Variants in SWAP70 observed in about 807,000 individuals in gnomAD.
SWAP70 encodes switching B cell complex subunit SWAP70, also known as switch-associated protein 70.
Under a neutral mutation model 80.2 loss-of-function variants are expected in SWAP70, and 34 were observed. That is an observed-to-expected ratio of 0.42 (90% CI 0.32 to 0.56). The LOEUF (loss-of-function observed/expected upper bound fraction) is 0.56, where lower values mean the gene tolerates loss of function less well. SWAP70 is among the 20% of genes least tolerant of loss of function. SWAP70 has a pLI of 0.09. For missense variants in SWAP70, 578 were observed against 690.7 expected, an observed-to-expected ratio of 0.84 and a Z score of 1.83; for synonymous variants, 239 against 238.5, an observed-to-expected ratio of 1.00 and a Z score of -0.02.
At chr11:9,726,118 T>G (rs1851222633) in intron 4 of SWAP70, among the ~76,000 whole-genome samples, 1 of 152,212 alleles carries the variant, frequency 6.6e-6, no homozygotes. Flanking sequence ...TTATTGGACT[T>G]TCTATATGAT....
chr11:9,691,795 G>T (rs1850700837), intron 1 of SWAP70, among the ~76,000 whole-genome samples: 1 of 152,182 alleles, frequency 6.6e-6, no homozygotes, highest in Admixed American at 6.5e-5. Context: ...CAAGGCCCCT[G>T]CCAGGGCTTT....
intron 2 of SWAP70, among the ~76,000 whole-genome samples, chr11:9,707,101 T>G (rs1265177379): frequency 6.6e-6 from 1 of 152,202 alleles, no homozygotes; most frequent in East Asian, 1.9e-4. Flanking sequence ...GTGAAAACAC[T>G]TGAATACTAA....
intron 2 of SWAP70, among the ~76,000 whole-genome samples, chr11:9,698,976 TATC>T (rs1850796838): frequency 1.3e-5 from 2 of 151,994 alleles, no homozygotes; most frequent in South Asian, 2.1e-4. Flanking sequence ...TAACTATAGT[TATC>T]ATGTGGTACA....
Position 9,728,205 on chromosome 11 carries a change from T to G in SWAP70, c.789+6T>G. 1 of 1,592,178 alleles carries G rather than the reference T, an allele frequency of 6.3e-7. No individual in the cohort carries two copies. Among genetic ancestry groups the G allele is most frequent in the Non-Finnish European group, 8.5e-7 (1 of 1,172,298 alleles). ...ATGAAAATTGCTGTGTAGAGGTGAG[T>G]CTACTCTTACTTCTTTGCATGATTA... On this transcript the variant is annotated splice_donor_region_variant and intron_variant, in intron 5 of 11. Transcript: ENST00000318950.
At chr11:9,733,858 C>T (rs75379592) in intron 7 of SWAP70, among the ~76,000 whole-genome samples, 3,519 of 152,098 alleles carry the variant, frequency 0.023, 153 homozygotes, top group African/African-American at 0.08. Context: ...TAAAATAGCT[C>T]GTACCTGTAG....
intron 1 of SWAP70, among the ~76,000 whole-genome samples, chr11:9,667,328 T>C (rs567180843): frequency 3.7e-4 from 56 of 152,154 alleles, no homozygotes; most frequent in Admixed American, 7.2e-4. Flanking sequence ...CTTGGCTCAC[T>C]GCAACCTCCA....
At chr11:9,718,757 TTTG>T (rs1356662083) in intron 3 of SWAP70, among the ~76,000 whole-genome samples, 10 of 151,278 alleles carry the variant, frequency 6.6e-5, no homozygotes, top group African/African-American at 1.9e-4. Context: ...TCATTTGCAT[TTTG>T]TTTAGAGTGT....
intron 2 of SWAP70, among the ~76,000 whole-genome samples, chr11:9,707,040 T>C (rs1219266569): frequency 1.3e-5 from 2 of 152,170 alleles, no homozygotes; most frequent in African/African-American, 4.8e-5. Flanking sequence ...TATATGAAAT[T>C]CCGGAAACCC....
intron 1 of SWAP70, among the ~76,000 whole-genome samples, chr11:9,671,438 A>G (rs1304742758): frequency 5.1e-5 from 5 of 98,354 alleles, no homozygotes; most frequent in South Asian, 3.4e-4. Flanking sequence ...ATATAAATAT[A>G]TAAAAATATA....
At chr11:9,713,842 A>G (rs1460374479) in intron 3 of SWAP70, among the ~76,000 whole-genome samples, 2 of 152,224 alleles carry the variant, frequency 1.3e-5, no homozygotes, top group Non-Finnish European at 1.5e-5. Flanking sequence ...TTTACAGGGA[A>G]AGTGGGTTTC....
At chr11:9,716,842 T>G (rs1224342063) in intron 3 of SWAP70, among the ~76,000 whole-genome samples, 1 of 152,058 alleles carries the variant, frequency 6.6e-6, no homozygotes, top group Non-Finnish European at 1.5e-5. Flanking sequence ...AAGACTGTAG[T>G]TGGAGACATG....
At chr11:9,722,971 T>C (rs1056201777) in intron 3 of SWAP70, among the ~76,000 whole-genome samples, 2 of 152,168 alleles carry the variant, frequency 1.3e-5, no homozygotes, top group African/African-American at 4.8e-5. Flanking sequence ...TCTATGGTAT[T>C]GGTGGTATTG....
chr11:9,710,865 G>A (rs1240888065), intron 2 of SWAP70, among the ~76,000 whole-genome samples: 1 of 151,464 alleles, frequency 6.6e-6, no homozygotes, highest in Non-Finnish European at 1.5e-5. Flanking sequence ...ATTATTATTT[G>A]TACAGACCGG....
intron 9 of SWAP70, among the ~76,000 whole-genome samples, chr11:9,743,482 T>G (rs962649268): frequency 7.9e-5 from 12 of 151,404 alleles, no homozygotes; most frequent in Non-Finnish European, 1.5e-4. Context: ...CACACTGACT[T>G]CCACAAAGGT....
At chr11:9,720,973 A>C (rs1489566525) in intron 3 of SWAP70, among the ~76,000 whole-genome samples, 1 of 151,720 alleles carries the variant, frequency 6.6e-6, no homozygotes, top group Non-Finnish European at 1.5e-5. Context: ...GCACCACCAC[A>C]CCCAGCTAAT....
chr11:9,713,679 G>A lies in SWAP70; in HGVS notation c.414+40G>A, dbSNP rs1019263198. On this transcript the variant is annotated intron_variant, in intron 3 of 11. Coordinates refer to ENST00000318950, the MANE Select transcript of SWAP70 (RefSeq NM_015055.4). Reference sequence around the variant, plus strand: ...GGGGAGTTTTTACTTGGTCATTTTAGCATTTAATAGACCTGGCTTGGTATT... The same window carrying A: ...GGGGAGTTTTTACTTGGTCATTTTAACATTTAATAGACCTGGCTTGGTATT... The A allele has an allele frequency of 5.7e-6, 9 of 1,576,858 alleles. No individual in the cohort carries two copies. In the African/African-American group the frequency reaches 9.5e-5, roughly 17 times the overall value.
At chr11:9,738,591 G>T (rs1262180178) in intron 8 of SWAP70, among the ~76,000 whole-genome samples, 1 of 151,488 alleles carries the variant, frequency 6.6e-6, no homozygotes, top group Non-Finnish European at 1.5e-5. Flanking sequence ...ATGGAGCCAG[G>T]CATGGTGGCC....
At chr11:9,703,437 G>T (rs1850858893) in intron 2 of SWAP70, 1 of 456,080 alleles carries the variant, frequency 2.2e-6, no homozygotes, top group African/African-American at 2.0e-5. Flanking sequence ...CAGACATGCT[G>T]CTTCCTGTGC....
intron 1 of SWAP70, among the ~76,000 whole-genome samples, chr11:9,678,543 C>CTTTTT (rs72123125): frequency 2.6e-5 from 2 of 77,202 alleles, no homozygotes; most frequent in South Asian, 4.0e-4. Context: ...CTCTGAGGTG[C>CTTTTT]TTTTTTTTTT....
Sources: gnomAD v4.1 joint callset for allele counts (sites outside exome capture counted in the v4.1 genomes callset) on GRCh38, gnomAD v4.1.1 for gene constraint, MANE v1.5 for transcripts, NCBI Gene and HGNC (gene_info 2026-07-23, HGNC 2026-07-21) for gene names.